Variants in ATG5 observed in about 807,000 individuals in gnomAD.
ATG5 encodes the protein autophagy protein 5.
In ATG5, 14 loss-of-function variants were observed where a neutral mutation model predicts 36.5. The ratio of observed to expected loss-of-function variants is 0.38; its 90% CI spans 0.25 to 0.60. ATG5 has a LOEUF of 0.60. Among genes scored for constraint, ATG5 ranks in the 20% least tolerant of loss-of-function variants. The pLI is 0.60. For missense variants in ATG5, 195 were observed against 326.7 expected (o/e 0.60, Z 3.11); for synonymous variants, 95 against 101.5 (o/e 0.94, Z 0.38).
intron 4 of ATG5, among the ~76,000 whole-genome samples, chr6:106,280,550 G>A (rs533089602): frequency 1.3e-5 from 2 of 150,594 alleles, no homozygotes; most frequent in East Asian, 3.9e-4. Flanking sequence ...TAACTTCACT[G>A]ATTCTTTTAG....
intron 6 of ATG5, among the ~76,000 whole-genome samples, chr6:106,247,248 T>C (rs1778375595): frequency 6.6e-6 from 1 of 152,238 alleles, no homozygotes; most frequent in African/African-American, 2.4e-5. Flanking sequence ...TGTGACATTA[T>C]GCTTCTGGTT....
intron 5 of ATG5, among the ~76,000 whole-genome samples, chr6:106,253,111 G>A (rs1220812628): frequency 6.6e-6 from 1 of 152,184 alleles, no homozygotes. Context: ...TACGTAATAT[G>A]TTAAACATCT....
intron 7 of ATG5, among the ~76,000 whole-genome samples, chr6:106,190,733 T>C (rs1775939360): frequency 6.6e-6 from 1 of 151,956 alleles, no homozygotes; most frequent in African/African-American, 2.4e-5. Context: ...TGGTAAGAAT[T>C]ACATATAGAA....
chr6:106,193,531 G>A (rs1400022450), intron 7 of ATG5, among the ~76,000 whole-genome samples: 1 of 152,060 alleles, frequency 6.6e-6, no homozygotes, highest in Non-Finnish European at 1.5e-5. Flanking sequence ...ATTATAAAAA[G>A]CAAAGTGTAT....
intron 3 of ATG5, among the ~76,000 whole-genome samples, chr6:106,294,807 CA>C (rs1370919924): frequency 6.8e-6 from 1 of 146,102 alleles, no homozygotes; most frequent in Non-Finnish European, 1.5e-5. Context: ...TGTGCCACTG[CA>C]CTCCAGCCTG....
rs1027031883 is a variant in ATG5 at position 106,213,306 on chromosome 6, G to C, written c.574-11217C>G. Among the ~76,000 whole-genome samples the C allele has an allele frequency of 2.6e-5, 4 of 152,150 alleles. No individual in the cohort carries two copies. The South Asian group carries it at 8.3e-4, about 32-fold the overall frequency. Reference sequence around the variant, plus strand: ...CACTATGAAAAAAATTACAAAGCTTGAGCACAAATTTTAACTCTGGACTTA... The same window carrying C: ...CACTATGAAAAAAATTACAAAGCTTCAGCACAAATTTTAACTCTGGACTTA... On this transcript the variant is annotated intron_variant, in intron 6 of 7. Coordinates refer to ENST00000369076, the MANE Select transcript of ATG5 (RefSeq NM_004849.4).
At chr6:106,299,363 T>C (rs910169503) in intron 3 of ATG5, among the ~76,000 whole-genome samples, 11 of 152,180 alleles carry the variant, frequency 7.2e-5, no homozygotes, top group Non-Finnish European at 1.5e-4. Flanking sequence ...TTATTATTAG[T>C]TATTGCTTTT....
intron 6 of ATG5, among the ~76,000 whole-genome samples, chr6:106,231,870 C>G (rs1188811308): frequency 6.6e-6 from 1 of 152,302 alleles, no homozygotes; most frequent in South Asian, 2.1e-4. Context: ...AGTCATGGCC[C>G]TCAGGCAAGC....
intron 5 of ATG5, among the ~76,000 whole-genome samples, chr6:106,268,115 A>G (rs1217815750): frequency 6.6e-6 from 1 of 152,224 alleles, no homozygotes; most frequent in East Asian, 1.9e-4. Flanking sequence ...AATGGGAGAA[A>G]ATTTCTGCAA....
intron 5 of ATG5, among the ~76,000 whole-genome samples, chr6:106,262,256 G>C (rs1779052564): frequency 6.6e-6 from 1 of 152,100 alleles, no homozygotes; most frequent in African/African-American, 2.4e-5. Flanking sequence ...AGTAGAGATG[G>C]GGTTTCACCA....
chr6:106,262,342 G>T (rs1044680295), intron 5 of ATG5, among the ~76,000 whole-genome samples: 2 of 152,092 alleles, frequency 1.3e-5, no homozygotes, highest in Admixed American at 6.5e-5. Context: ...GGGATTACAG[G>T]CATGAGCCAC....
intron 3 of ATG5, 56 bp from the exon 4 acceptor site, chr6:106,293,162 G>T (rs888681869): frequency 7.0e-7 from 1 of 1,430,074 alleles, no homozygotes; most frequent in Non-Finnish European, 9.8e-7. Flanking sequence ...ATAACTACAA[G>T]GCCAAAATAA....
intron 7 of ATG5, among the ~76,000 whole-genome samples, chr6:106,189,207 G>C (rs1169770990): frequency 6.6e-6 from 1 of 152,122 alleles, no homozygotes; most frequent in Non-Finnish European, 1.5e-5. Flanking sequence ...AAACAACAAA[G>C]TAAAAAATGT....
chr6:106,186,753 T>A (rs1775786636), intron 7 of ATG5, 77 bp from the exon 8 acceptor site: 1 of 1,492,940 alleles, frequency 6.7e-7, no homozygotes, highest in Non-Finnish European at 9.2e-7. Context: ...CTTTTGAGAA[T>A]CCTTAGTGCA....
At chr6:106,274,939 G>T (rs1403748263) in intron 5 of ATG5, among the ~76,000 whole-genome samples, 2 of 152,162 alleles carry the variant, frequency 1.3e-5, no homozygotes, top group African/African-American at 4.8e-5. Flanking sequence ...TGGACAAAAG[G>T]TCATGAAAGT....
intron 6 of ATG5, among the ~76,000 whole-genome samples, chr6:106,209,292 G>A (rs1776762902): frequency 6.6e-6 from 1 of 152,138 alleles, no homozygotes; most frequent in African/African-American, 2.4e-5. Context: ...ATTAAAACAG[G>A]TGAATGCTTA....
chr6:106,308,536 T>C, intron 2 of ATG5, 45 bp from the exon 3 acceptor site: 1 of 1,389,264 alleles, frequency 7.2e-7, no homozygotes, highest in South Asian at 1.5e-5. Flanking sequence ...CTAGTTATTA[T>C]TTTTAAAAAA....
chr6:106,325,460 A>G (rs538371058), intron 1 of ATG5, 66 bp downstream of exon 1: 4 of 152,564 alleles, frequency 2.6e-5, no homozygotes, highest in African/African-American at 7.2e-5. Context: ...TACCACACCT[A>G]CCTGGCCCCT....
intron 7 of ATG5, among the ~76,000 whole-genome samples, chr6:106,192,070 G>A (rs552403686): frequency 6.6e-5 from 10 of 152,106 alleles, no homozygotes; most frequent in Non-Finnish European, 5.9e-5. Context: ...CAAATTAAAT[G>A]ACATTAAGAA....
Sources: allele counts gnomAD v4.1 joint callset (sites outside exome capture counted in the v4.1 genomes callset), GRCh38; gene constraint gnomAD v4.1.1; transcripts MANE v1.5; gene names NCBI Gene and HGNC (gene_info 2026-07-23, HGNC 2026-07-21).